The following FSIP1 variants were observed in gnomAD, a reference collection of about 807,000 sequenced individuals.
FSIP1 encodes fibrous sheath-interacting protein 1.
In FSIP1, 65 loss-of-function variants were observed where a neutral mutation model predicts 60.9. The ratio of observed to expected loss-of-function variants is 1.07; its 90% confidence interval spans 0.87 to 1.31. FSIP1 has a LOEUF of 1.31. Ranked by LOEUF, FSIP1 falls within the 40% of genes most tolerant of loss-of-function variation. The probability of loss-of-function intolerance (pLI) is 0.00; values close to 1 mark genes in which losing one functional copy is unlikely to be tolerated. For synonymous variants in FSIP1, 209 were observed against 221.2 expected (o/e 0.94, Z 0.49); for missense variants, 675 against 665.5 (o/e 1.01, Z -0.16).
chr15:39,717,872 A>C (rs1895801726), intron 9 of FSIP1, among the ~76,000 whole-genome samples: 1 of 152,236 alleles, frequency 6.6e-6, no homozygotes, highest in Non-Finnish European at 1.5e-5. Context: ...CTCCTAACAT[A>C]TTCAGCATGC....
At chr15:39,642,316 A>G (rs1355834788) in intron 10 of FSIP1, among the ~76,000 whole-genome samples, 3 of 152,108 alleles carry the variant, frequency 2.0e-5, no homozygotes, top group Non-Finnish European at 4.4e-5. Context: ...TTTTTATTTA[A>G]TTATTTTTAA....
intron 9 of FSIP1, among the ~76,000 whole-genome samples, chr15:39,724,383 C>G (rs1003544642): frequency 5.9e-4 from 90 of 151,990 alleles, no homozygotes; most frequent in Non-Finnish European, 1.3e-4. Context: ...TCCCAAGTAG[C>G]TGGGACTACA....
chr15:39,769,361 T>C (rs1465020108), intron 3 of FSIP1, among the ~76,000 whole-genome samples: 2 of 152,202 alleles, frequency 1.3e-5, no homozygotes, highest in Non-Finnish European at 2.9e-5. Context: ...AAACTGTAAT[T>C]TTCACTTCAA....
At chr15:39,738,030 T>C (rs1444986929) in intron 8 of FSIP1, 61 bp downstream of exon 8, 2 of 945,862 alleles carry the variant, frequency 2.1e-6, no homozygotes, top group Non-Finnish European at 3.2e-6. Context: ...ACTGGGCCAA[T>C]AATATTATTT....
intron 10 of FSIP1, among the ~76,000 whole-genome samples, chr15:39,640,650 G>A (rs914434682): frequency 6.7e-6 from 1 of 149,746 alleles, no homozygotes; most frequent in Non-Finnish European, 1.5e-5. Flanking sequence ...AATAATTCGC[G>A]AATTGGGCAG....
At chr15:39,710,538 A>C (rs1895463460) in intron 10 of FSIP1, among the ~76,000 whole-genome samples, 1 of 152,184 alleles carries the variant, frequency 6.6e-6, no homozygotes, top group African/African-American at 2.4e-5. Context: ...ACTATAAAAC[A>C]CAAAACTATG....
chr15:39,674,148 G>A (rs568854437), intron 10 of FSIP1, among the ~76,000 whole-genome samples: 7 of 151,332 alleles, frequency 4.6e-5, no homozygotes, highest in East Asian at 2.0e-4. Flanking sequence ...TCCGCCTCCC[G>A]GGTTCATGCC....
At chr15:39,732,823 A>C (rs1481663429) in intron 8 of FSIP1, among the ~76,000 whole-genome samples, 2 of 152,186 alleles carry the variant, frequency 1.3e-5, no homozygotes, top group African/African-American at 4.8e-5. Context: ...TTAAAAGAAC[A>C]CAGAGAATTT....
intron 10 of FSIP1, among the ~76,000 whole-genome samples, chr15:39,637,266 C>T (rs764137980): frequency 4.6e-5 from 7 of 152,136 alleles, no homozygotes; most frequent in African/African-American, 1.4e-4. Context: ...TTGCAAATAA[C>T]AGAAATAACA....
intron 10 of FSIP1, among the ~76,000 whole-genome samples, chr15:39,642,430 C>T (rs534491620): frequency 1.3e-5 from 2 of 152,188 alleles, no homozygotes; most frequent in African/African-American, 4.8e-5. Flanking sequence ...CTCCAGCTCA[C>T]TCACAGACTT....
At chr15:39,640,037 A>T (rs973419942) in intron 10 of FSIP1, among the ~76,000 whole-genome samples, 1 of 152,246 alleles carries the variant, frequency 6.6e-6, no homozygotes, top group African/African-American at 2.4e-5. Flanking sequence ...ATATTTGTTG[A>T]TGAAATAAAT....
chr15:39,740,202 T>C (rs978784632), intron 6 of FSIP1, among the ~76,000 whole-genome samples: 1 of 152,236 alleles, frequency 6.6e-6, no homozygotes, highest in Non-Finnish European at 1.5e-5. Flanking sequence ...TGCTATTCTA[T>C]TAATTTGCCA....
At chr15:39,779,241 A>T (rs1898166265) in intron 1 of FSIP1, among the ~76,000 whole-genome samples, 1 of 151,890 alleles carries the variant, frequency 6.6e-6, no homozygotes, top group African/African-American at 2.4e-5. Context: ...AAGACATACA[A>T]GTTGCCAATA....
At chr15:39,709,934 C>T (rs72727050) in intron 10 of FSIP1, among the ~76,000 whole-genome samples, 1 of 151,922 alleles carries the variant, frequency 6.6e-6, no homozygotes, top group Non-Finnish European at 1.5e-5. Flanking sequence ...TTGGCCCAGG[C>T]GTGGGGGACC....
At chr15:39,758,170 C>T (rs566468779) in intron 5 of FSIP1, among the ~76,000 whole-genome samples, 11 of 152,098 alleles carry the variant, frequency 7.2e-5, no homozygotes, top group Middle Eastern at 6.8e-3. Flanking sequence ...GTCAAATATA[C>T]GGGCCAGGAG....
At chr15:39,723,587 G>C (rs945817513) in intron 9 of FSIP1, among the ~76,000 whole-genome samples, 3 of 152,166 alleles carry the variant, frequency 2.0e-5, no homozygotes, top group African/African-American at 7.2e-5. Flanking sequence ...TTTAAGTTCT[G>C]TAAAATTCCT....
At chr15:39,691,420 G>T (rs2129457) in intron 10 of FSIP1, among the ~76,000 whole-genome samples, 23,845 of 152,162 alleles carry the variant, frequency 0.16, 2,054 homozygotes, top group African/African-American at 0.2. Context: ...GAAGCAGTGT[G>T]CCAGCAAGCA....
At chr15:39,766,957 A>C (rs1897711235) in intron 3 of FSIP1, among the ~76,000 whole-genome samples, 1 of 152,072 alleles carries the variant, frequency 6.6e-6, no homozygotes, top group South Asian at 2.1e-4. Flanking sequence ...CTCCCACATC[A>C]GCTTCTGAAC....
At chr15:39,705,069 G>C (rs1198849551) in intron 10 of FSIP1, among the ~76,000 whole-genome samples, 1 of 152,108 alleles carries the variant, frequency 6.6e-6, no homozygotes, top group African/African-American at 2.4e-5. Context: ...ACAGAAAAAA[G>C]ACCTAAAAAG....
Sources: allele counts gnomAD v4.1 joint callset (sites outside exome capture counted in the v4.1 genomes callset), GRCh38; gene constraint gnomAD v4.1.1; transcripts MANE v1.5; gene names NCBI Gene and HGNC (gene_info 2026-07-23, HGNC 2026-07-21).